The following OPCML variants were observed in gnomAD, a reference collection of about 807,000 sequenced individuals.
OPCML encodes the protein opioid binding protein/cell adhesion molecule like, also known as opioid-binding protein/cell adhesion molecule.
In OPCML, 13 loss-of-function variants were observed where a neutral mutation model predicts 37.8. That is an observed-to-expected ratio of 0.34 (90% CI 0.22 to 0.55). OPCML has a LOEUF of 0.55. Ranked by LOEUF, OPCML falls within the 20% of genes least tolerant of loss-of-function variation. OPCML has a pLI of 0.91. For synonymous variants in OPCML, 176 were observed against 168.8 expected, an observed-to-expected ratio of 1.04 and a Z score of -0.33; for missense variants, 341 against 435.6, an observed-to-expected ratio of 0.78 and a Z score of 1.93.
intron 2 of OPCML, among the ~76,000 whole-genome samples, chr11:132,799,186 T>C (rs1004490978): frequency 2.0e-5 from 3 of 152,202 alleles, no homozygotes; most frequent in African/African-American, 7.2e-5. Flanking sequence ...TGGCATCTTC[T>C]TCCAATACAA....
At chr11:133,195,723 G>A (rs779961547) in intron 1 of OPCML, among the ~76,000 whole-genome samples, 34 of 152,128 alleles carry the variant, frequency 2.2e-4, no homozygotes, top group Non-Finnish European at 2.6e-4. Context: ...TGCCTCTTAT[G>A]TACCTTCATC....
intron 1 of OPCML, among the ~76,000 whole-genome samples, chr11:133,507,115 C>T (rs971526444): frequency 6.6e-6 from 1 of 152,308 alleles, no homozygotes; most frequent in Non-Finnish European, 1.5e-5. Context: ...CAGAGAAGAC[C>T]GTTATCCACT....
At chr11:132,675,986 A>C (rs1200725483) in intron 2 of OPCML, among the ~76,000 whole-genome samples, 1 of 152,142 alleles carries the variant, frequency 6.6e-6, no homozygotes, top group Non-Finnish European at 1.5e-5. Flanking sequence ...ACAGCCACAC[A>C]ATCTTGTAAA....
intron 1 of OPCML, among the ~76,000 whole-genome samples, chr11:133,128,044 T>C (rs1220738130): frequency 6.6e-6 from 1 of 151,868 alleles, no homozygotes; most frequent in Non-Finnish European, 1.5e-5. Context: ...TTCCCTTGAG[T>C]TTTTTCAGGA....
At chr11:132,788,062 G>C (rs1947283584) in intron 2 of OPCML, among the ~76,000 whole-genome samples, 1 of 152,222 alleles carries the variant, frequency 6.6e-6, no homozygotes, top group African/African-American at 2.4e-5. Flanking sequence ...TGTATTTTTA[G>C]TAGAGATGGG....
intron 1 of OPCML, among the ~76,000 whole-genome samples, chr11:133,444,549 A>T (rs1462310251): frequency 6.6e-6 from 1 of 152,164 alleles, no homozygotes; most frequent in Non-Finnish European, 1.5e-5. Flanking sequence ...AGAACAAAAA[A>T]ATAATTTCTA....
intron 1 of OPCML, among the ~76,000 whole-genome samples, chr11:133,195,786 A>G (rs1289433474): frequency 6.6e-6 from 1 of 152,224 alleles, no homozygotes; most frequent in Non-Finnish European, 1.5e-5. Context: ...TGTCTTCTTC[A>G]TAGCTATATT....
At chr11:132,501,772 A>C (rs1205874956) in intron 4 of OPCML, among the ~76,000 whole-genome samples, 1 of 152,246 alleles carries the variant, frequency 6.6e-6, no homozygotes, top group Admixed American at 6.5e-5. Context: ...AAAGGAAGAT[A>C]CAGGGTAAAT....
At chr11:132,758,443 A>G (rs1946139257) in intron 2 of OPCML, among the ~76,000 whole-genome samples, 1 of 152,124 alleles carries the variant, frequency 6.6e-6, no homozygotes, top group Non-Finnish European at 1.5e-5. Context: ...TGAGCATGGA[A>G]TGATTTTCCG....
At chr11:132,990,244 T>C (rs1946751789) in intron 1 of OPCML, among the ~76,000 whole-genome samples, 1 of 152,208 alleles carries the variant, frequency 6.6e-6, no homozygotes, top group African/African-American at 2.4e-5. Flanking sequence ...CCGAGTCCTT[T>C]GTGTGCACAG....
rs61912368 is a variant in OPCML at position 133,251,596 on chromosome 11, G to A, written c.61+280668C>T. Among the ~76,000 whole-genome samples the A allele has an allele frequency of 2.9e-3, 444 of 151,924 alleles. 1 individual carries two copies. Among genetic ancestry groups the A allele is most frequent in the Non-Finnish European group, 5.1e-3 (349 of 67,962 alleles). On this transcript the variant is annotated intron_variant, in intron 1 of 7. Transcript: ENST00000524381. ...TTTTTTTGGGGGGGGGAGGGGACACGGGGTACAGACCTGGAAAAGTTGTCT... is the reference window on the plus strand; with the variant it reads ...TTTTTTTGGGGGGGGGAGGGGACACAGGGTACAGACCTGGAAAAGTTGTCT...
intron 1 of OPCML, among the ~76,000 whole-genome samples, chr11:133,044,121 G>T (rs1439962295): frequency 6.6e-6 from 1 of 152,206 alleles, no homozygotes; most frequent in African/African-American, 2.4e-5. Flanking sequence ...GGTCTAAGAT[G>T]AAGTCAGAAA....
intron 3 of OPCML, among the ~76,000 whole-genome samples, chr11:132,604,542 A>G (rs1938146459): frequency 6.6e-6 from 1 of 152,118 alleles, no homozygotes; most frequent in South Asian, 2.1e-4. Context: ...GCCTTTTCTA[A>G]GTGGAGGCCA....
intron 1 of OPCML, among the ~76,000 whole-genome samples, chr11:133,431,642 T>G (rs932058004): frequency 1.1e-4 from 17 of 151,904 alleles, no homozygotes; most frequent in African/African-American, 4.1e-4. Context: ...ATTTTGTATT[T>G]TTAGTAGAGA....
At chr11:132,497,008 C>G (rs186894582) in intron 4 of OPCML, among the ~76,000 whole-genome samples, 185 of 152,130 alleles carry the variant, frequency 1.2e-3, no homozygotes, top group Non-Finnish European at 2.3e-3. Context: ...CAGTATGTCT[C>G]TGTGTGTGTG....
chr11:133,501,911 G>A (rs568637490), intron 1 of OPCML, among the ~76,000 whole-genome samples: 14 of 151,336 alleles, frequency 9.3e-5, no homozygotes, highest in Admixed American at 4.6e-4. Context: ...AACATGCCTC[G>A]AGGCTGTGCT....
In OPCML at chr11:132,952,648, A is replaced by G. The variant is rs1441100124; in HGVS notation, c.62-9638T>C. On this transcript the variant is annotated intron_variant, in intron 1 of 7. Coordinates refer to ENST00000524381, the MANE Select transcript of OPCML (RefSeq NM_001012393.5). ...GCCTGGACTGATGGAAGGAACCAAC[A>G]TTGTGCGTGAATTAAAATGCCTGGC... 2.6e-5 allele frequency among the ~76,000 whole-genome samples: 4 copies of G among 152,074 alleles called. No individual in the cohort carries two copies. The East Asian group carries it at 7.7e-4, about 29-fold the overall frequency.
chr11:133,257,481 TG>T (rs1399666410), intron 1 of OPCML, among the ~76,000 whole-genome samples: 1 of 152,166 alleles, frequency 6.6e-6, no homozygotes, highest in African/African-American at 2.4e-5. Context: ...TATCACAAGT[TG>T]GGTTGTGTGG....
At chr11:133,263,230 A>G (rs1374995793) in intron 1 of OPCML, among the ~76,000 whole-genome samples, 1 of 152,188 alleles carries the variant, frequency 6.6e-6, no homozygotes, top group Non-Finnish European at 1.5e-5. Context: ...ACTAAATTAA[A>G]CAATTTATGT....
Sources: allele counts gnomAD v4.1 joint callset (sites outside exome capture counted in the v4.1 genomes callset), GRCh38; gene constraint gnomAD v4.1.1; transcripts MANE v1.5; gene names NCBI Gene and HGNC (gene_info 2026-07-23, HGNC 2026-07-21).